The following UST variants were observed in gnomAD, a reference collection of about 807,000 sequenced individuals.
The protein encoded by UST is chondroitin sulfate 2-O-sulfotransferase.
A neutral mutation model predicts 45.6 loss-of-function variants in UST; 21 were observed. The observed-to-expected ratio is 0.46, with a 90% CI of 0.33 to 0.66. UST has a LOEUF of 0.66. Among genes scored for constraint, UST ranks in the 30% least tolerant of loss-of-function variants. The probability of loss-of-function intolerance (pLI) is 0.02; values close to 1 mark genes in which losing one functional copy is unlikely to be tolerated. For missense variants in UST, 463 were observed against 512.4 expected, an observed-to-expected ratio of 0.90 and a Z score of 0.93; for synonymous variants, 215 against 200.6, an observed-to-expected ratio of 1.07 and a Z score of -0.61.
chr6:148,770,091 T>G (rs533307357), intron 1 of UST, among the ~76,000 whole-genome samples: 1 of 151,962 alleles, frequency 6.6e-6, no homozygotes, highest in South Asian at 2.1e-4. Context: ...TTTTCAAGAT[T>G]AAAAAAATTG....
At chr6:149,009,666 A>C (rs944572815) in intron 5 of UST, among the ~76,000 whole-genome samples, 7 of 152,186 alleles carry the variant, frequency 4.6e-5, no homozygotes, top group African/African-American at 1.7e-4. Flanking sequence ...GCAAAGCAAA[A>C]AGTTACTTGA....
At chr6:149,035,705 G>T (rs1483939529) in intron 7 of UST, among the ~76,000 whole-genome samples, 1 of 151,946 alleles carries the variant, frequency 6.6e-6, no homozygotes, top group Non-Finnish European at 1.5e-5. Flanking sequence ...TTGCAGGGTT[G>T]CTGTGAGCCA....
intron 7 of UST, among the ~76,000 whole-genome samples, chr6:149,029,442 TTATATTATATATACATTATATATTA>T (rs1290620504): frequency 2.1e-5 from 3 of 143,372 alleles, no homozygotes; most frequent in Non-Finnish European, 4.5e-5. Context: ...TTATATTATA[TTATATTATATATACATTATATATTA>T]TATATATAAT....
rs78751961 is a variant in UST, at chr6:148,886,965, A to C, written c.248-21A>C. The C allele has an allele frequency of 1.6e-3, 2,642 of 1,607,556 alleles. 45 individuals are homozygous for C. The African/African-American group carries it at 0.032, about 19-fold the overall frequency. ...TGGGATTTAAAAAACGGATTCATCA[A>C]CTTTTTCCTTTATTTTCTAGGAAAT... On this transcript the variant is annotated intron_variant, in intron 1 of 7. Coordinates refer to ENST00000367463, the MANE Select transcript of UST (RefSeq NM_005715.3).
intron 1 of UST, among the ~76,000 whole-genome samples, chr6:148,773,824 C>G (rs1240584388): frequency 6.6e-6 from 1 of 152,182 alleles, no homozygotes; most frequent in Admixed American, 6.5e-5. Flanking sequence ...GCAAAGACTT[C>G]CAGCGGGATG....
chr6:148,804,178 T>G (rs1777105033), intron 1 of UST, among the ~76,000 whole-genome samples: 1 of 152,236 alleles, frequency 6.6e-6, no homozygotes, highest in Admixed American at 6.5e-5. Context: ...TATGAATCTC[T>G]GAGTCATTGT....
At chr6:148,986,743 C>G (rs1162244866) in intron 5 of UST, among the ~76,000 whole-genome samples, 1 of 152,250 alleles carries the variant, frequency 6.6e-6, no homozygotes, top group East Asian at 1.9e-4. Context: ...CACCCTCCTC[C>G]TCGGAATCCC....
At chr6:148,880,621 C>T (rs1778805741) in intron 1 of UST, among the ~76,000 whole-genome samples, 1 of 152,208 alleles carries the variant, frequency 6.6e-6, no homozygotes, top group South Asian at 2.1e-4. Context: ...CATTTACAAC[C>T]TCCCTGGGAG....
At chr6:148,766,519 C>A (rs1441301889) in intron 1 of UST, among the ~76,000 whole-genome samples, 1 of 152,112 alleles carries the variant, frequency 6.6e-6, no homozygotes, top group Non-Finnish European at 1.5e-5. Flanking sequence ...AGATAATCAC[C>A]GTATTCATGG....
At chr6:148,891,614 C>G (rs764759730) in intron 2 of UST, among the ~76,000 whole-genome samples, 14 of 151,888 alleles carry the variant, frequency 9.2e-5, no homozygotes, top group Non-Finnish European at 1.9e-4. Flanking sequence ...CAGCCCAGGG[C>G]TGTGTATAGC....
chr6:148,877,758 G>A (rs1221667816), intron 1 of UST, among the ~76,000 whole-genome samples: 5 of 138,660 alleles, frequency 3.6e-5, no homozygotes, highest in African/African-American at 1.1e-4. Flanking sequence ...GTGTATGAGT[G>A]TGAGGGGTCA....
chr6:148,759,026 A>AT (rs1262741969), intron 1 of UST, among the ~76,000 whole-genome samples: 1 of 152,184 alleles, frequency 6.6e-6, no homozygotes, highest in Non-Finnish European at 1.5e-5. Context: ...TGACCCGACA[A>AT]TAAGTCAGTT....
intron 1 of UST, among the ~76,000 whole-genome samples, chr6:148,863,482 G>A (rs1377272774): frequency 6.6e-6 from 1 of 152,094 alleles, no homozygotes; most frequent in African/African-American, 2.4e-5. Context: ...ATTACTGATT[G>A]TCTGAAGCCT....
chr6:148,921,222 G>A (rs1396083381), intron 2 of UST, among the ~76,000 whole-genome samples: 1 of 152,228 alleles, frequency 6.6e-6, no homozygotes, highest in East Asian at 1.9e-4. Flanking sequence ...AAGGGGAAGA[G>A]TTCCATGAAG....
At chr6:148,839,887 T>C (rs1482448405) in intron 1 of UST, among the ~76,000 whole-genome samples, 1 of 152,174 alleles carries the variant, frequency 6.6e-6, no homozygotes, top group Non-Finnish European at 1.5e-5. Flanking sequence ...CAAAGGTCAT[T>C]TGGCCAGTAA....
At chr6:149,020,864 G>A (rs1207664641) in intron 6 of UST, among the ~76,000 whole-genome samples, 1 of 152,198 alleles carries the variant, frequency 6.6e-6, no homozygotes, top group Admixed American at 6.5e-5. Flanking sequence ...AGAATAAGAT[G>A]ATTAATAGGC....
intron 7 of UST, among the ~76,000 whole-genome samples, chr6:149,054,138 G>A (rs1229227161): frequency 2.0e-5 from 3 of 152,166 alleles, no homozygotes; most frequent in African/African-American, 4.8e-5. Flanking sequence ...GGAAAGAAAA[G>A]TACTTGAGGG....
chr6:148,828,999 CT>C (rs1232448850), intron 1 of UST, among the ~76,000 whole-genome samples: 1 of 152,152 alleles, frequency 6.6e-6, no homozygotes, highest in Non-Finnish European at 1.5e-5. Context: ...GCAGGAATTG[CT>C]CAAAATATAC....
chr6:148,858,427 C>T lies in UST; in HGVS notation c.248-28559C>T, dbSNP rs555465400. ...CCCACCCAGATAGAGGGTGGGTCTGCCTCTCCAGTCCACTGACTCAAATGG... is the reference window on the plus strand; with the variant it reads ...CCCACCCAGATAGAGGGTGGGTCTGTCTCTCCAGTCCACTGACTCAAATGG... On this transcript the variant is annotated intron_variant, in intron 1 of 7. Coordinates refer to ENST00000367463, the MANE Select transcript of UST (RefSeq NM_005715.3). Among the ~76,000 whole-genome samples the T allele has an allele frequency of 2.2e-3, 331 of 151,932 alleles. 1 individual carries two copies. Among genetic ancestry groups the T allele is most frequent in the African/African-American group, 7.2e-3 (298 of 41,424 alleles).
Sources: gnomAD v4.1 joint callset for allele counts (sites outside exome capture counted in the v4.1 genomes callset) on GRCh38, gnomAD v4.1.1 for gene constraint, MANE v1.5 for transcripts, NCBI Gene and HGNC (gene_info 2026-07-23, HGNC 2026-07-21) for gene names.